The following TRPA1 variants were observed in gnomAD, a reference collection of about 807,000 sequenced individuals.
TRPA1 encodes the protein ankyrin-like with transmembrane domains 1.
In TRPA1, 129 loss-of-function variants were observed where a neutral mutation model predicts 131.3. That is an observed-to-expected ratio of 0.98 (90% CI 0.85 to 1.14). The LOEUF (loss-of-function observed/expected upper bound fraction) is 1.14. TRPA1 is among the 50% of genes most tolerant of loss of function. TRPA1 has a pLI of 0.00. For synonymous variants in TRPA1, 441 were observed against 451.7 expected, an observed-to-expected ratio of 0.98 and a Z score of 0.30; for missense variants, 1,304 against 1,354.2, an observed-to-expected ratio of 0.96 and a Z score of 0.58.
chr8:72,045,576 C>T (rs1208688324), intron 17 of TRPA1, among the ~76,000 whole-genome samples: 1 of 148,242 alleles, frequency 6.7e-6, no homozygotes, highest in Admixed American at 6.8e-5. Flanking sequence ...CTAGATAGCC[C>T]AAATCTAGAC....
At chr8:72,079,681 T>A (rs765720742), upstream of TRPA1, among the ~76,000 whole-genome samples, 1 of 151,980 alleles carries the variant, frequency 6.6e-6, no homozygotes, top group Non-Finnish European at 1.5e-5. Flanking sequence ...GATGGAAGGA[T>A]GCCTTGATGG....
At chr8:72,082,050 CTG>C in the TRPA1 span, among the ~76,000 whole-genome samples, 1,002 of 151,960 alleles carry the variant, frequency 6.6e-3, 4 homozygotes, top group Middle Eastern at 0.01. Context: ...TTCTTTCACT[CTG>C]TTTTTTCTCT....
chr8:72,057,093 C>CA (rs373621073), intron 9 of TRPA1, 76 bp from the exon 10 acceptor site: 861 of 1,185,810 alleles, frequency 7.3e-4, no homozygotes, highest in African/African-American at 1.8e-3. Context: ...TTCAACTTAG[C>CA]AAAAAAAAAT....
chr8:72,075,388 T>A lies in TRPA1; in HGVS notation c.22A>T (p.Met8Leu), dbSNP rs1806153736. The change falls in exon 1 of 27, where the codon ATG (methionine) becomes TTG (leucine). Residue 8 changes from methionine (M) to leucine (L), a missense_variant. Coordinates refer to ENST00000262209, the MANE Select transcript of TRPA1 (RefSeq NM_007332.3). MKRSLRK[M>L]WRPGEKKEPQ... ...TCCTTCTTTTCTCCAGGGCGCCACATCTTCCTCAGGCTGCGCTTCATTGAC... is the reference window on the plus strand; with the variant it reads ...TCCTTCTTTTCTCCAGGGCGCCACAACTTCCTCAGGCTGCGCTTCATTGAC... 6.2e-7 allele frequency: 1 copy of A among 1,609,994 alleles called. No homozygotes were observed. Among genetic ancestry groups the A allele is most frequent in the African/African-American group, 1.3e-5 (1 of 74,864 alleles).
intron 17 of TRPA1, among the ~76,000 whole-genome samples, chr8:72,043,030 A>G (rs573731644): frequency 7.9e-5 from 12 of 152,038 alleles, no homozygotes; most frequent in African/African-American, 1.7e-4. Context: ...TGCATTTAAA[A>G]AGAGTTAAGA....
At chr8:72,067,904 T>C (rs1421168227) in intron 3 of TRPA1, among the ~76,000 whole-genome samples, 1 of 152,220 alleles carries the variant, frequency 6.6e-6, no homozygotes, top group African/African-American at 2.4e-5. Flanking sequence ...TACTCATTCA[T>C]TCATTCATTC....
At chr8:72,071,284 G>A (rs1585892361) in intron 2 of TRPA1, among the ~76,000 whole-genome samples, 1 of 152,138 alleles carries the variant, frequency 6.6e-6, no homozygotes, top group Admixed American at 6.5e-5. Context: ...ATTGTCTGCA[G>A]TTGAATTTCC....
At chr8:72,084,784 T>C in the TRPA1 span, among the ~76,000 whole-genome samples, 1 of 151,434 alleles carries the variant, frequency 6.6e-6, no homozygotes, top group Admixed American at 6.6e-5. Flanking sequence ...TCTGAGTAAC[T>C]GGGATTACAG....
intron 23 of TRPA1, among the ~76,000 whole-genome samples, chr8:72,032,373 A>G (rs1811858973): frequency 6.6e-6 from 1 of 152,228 alleles, no homozygotes; most frequent in African/African-American, 2.4e-5. Flanking sequence ...ATGGCAGTCC[A>G]AGCCAACCGG....
rs1255886695 is a variant in TRPA1 at position 72,059,442 on chromosome 8, A to G, written c.945-4T>C. On this transcript the variant is annotated splice_polypyrimidine_tract_variant and splice_region_variant and intron_variant, in intron 7 of 26. Coordinates refer to ENST00000262209, the MANE Select transcript of TRPA1 (RefSeq NM_007332.3). ...ATGGTGATCAAACAATGAAGCTCTG[A>G]AAAAACAGAATTATAAACATTATAA... The G allele has an allele frequency of 1.9e-6, 3 of 1,560,148 alleles. No homozygotes were observed. The highest frequency in any genetic ancestry group is 2.6e-6 in the Non-Finnish European group (3 of 1,138,084).
upstream of TRPA1, among the ~76,000 whole-genome samples, chr8:72,075,806 T>A (rs1295900380): frequency 6.6e-6 from 1 of 151,926 alleles, no homozygotes; most frequent in East Asian, 1.9e-4. Flanking sequence ...TTGCAGAGAA[T>A]TTGTTATAAT....
In TRPA1 at chr8:72,052,590, A is replaced by T; in HGVS notation, c.1811+9T>A. 6.2e-7 allele frequency: 1 copy of T among 1,613,440 alleles called. No individual in the cohort carries two copies. Among genetic ancestry groups the T allele is most frequent in the Non-Finnish European group, 8.5e-7 (1 of 1,179,570 alleles). On this transcript the variant is annotated intron_variant, in intron 14 of 26. Transcript: ENST00000262209. The stretch of plus-strand genomic sequence containing the variant: ...ACACTAAATGACAGTGGACAGGAAG[A>T]CAGTGTACCTTTTGCTCCTGATGAT...
At position 72,036,404 on chromosome 8, in the gene TRPA1, C is replaced by T. The variant is rs746336542; in HGVS notation, c.2439G>A (p.Thr813=). The change falls in exon 21 of 27, where the codon ACG becomes ACA. Residue 813 remains threonine, a synonymous_variant. Coordinates refer to ENST00000262209, the MANE Select transcript of TRPA1 (RefSeq NM_007332.3). The part of the protein sequence containing the change: ...ISNVLEWIIY[T]TGIIFVLPLF... ...AGGGCAGCACAAAAATGATGCCCGTCGTGTAGATAATCCATTCAAGAACAT... is the reference window on the plus strand; with the variant it reads ...AGGGCAGCACAAAAATGATGCCCGTTGTGTAGATAATCCATTCAAGAACAT... The T allele has an allele frequency of 5.6e-6, 9 of 1,613,940 alleles. No homozygotes were observed. Among genetic ancestry groups the T allele is most frequent in the Admixed American group, 3.3e-5 (2 of 59,984 alleles).
chr8:72,076,711 G>A (rs912086217), upstream of TRPA1: 1 of 152,264 alleles, frequency 6.6e-6, no homozygotes, highest in Non-Finnish European at 1.5e-5. Context: ...GAGGAACCAT[G>A]AAAGGTCCCC....
Position 72,025,840 on chromosome 8 carries a change from C to T in TRPA1, c.3051+120G>A, listed in dbSNP as rs1164563415. On this transcript the variant is annotated intron_variant, in intron 25 of 26. Transcript: ENST00000262209. ...ATATCCTTTTTTTAAAAGCACAACT[C>T]CTCTGCCCACAGGCAGAGAAGACTC... is the stretch of plus-strand genomic sequence containing the variant. 1.3e-5 allele frequency: 11 copies of T among 833,512 alleles called. No homozygotes were observed. In the African/African-American group the frequency reaches 1.5e-4, roughly 11 times the overall value. The allele number at this position is 833,512 out of a possible 1,614,324, so 51.6% of individuals were successfully genotyped here. A position where few individuals can be genotyped will look rare whatever the true frequency, so the allele number is the denominator to read the frequency against.
chr8:72,062,408 T>G (rs930553860), intron 6 of TRPA1: 7 of 209,046 alleles, frequency 3.3e-5, no homozygotes, highest in Admixed American at 1.6e-4. Flanking sequence ...TACATATTCT[T>G]AGAAATTAGT....
chr8:72,028,128 C>A (rs1811671957), intron 24 of TRPA1, among the ~76,000 whole-genome samples: 1 of 152,136 alleles, frequency 6.6e-6, no homozygotes, highest in African/African-American at 2.4e-5. Context: ...ACAGTAATAA[C>A]CTGCCATTAG....
At chr8:72,057,428 A>G (rs1805696926) in intron 9 of TRPA1, among the ~76,000 whole-genome samples, 2 of 152,218 alleles carry the variant, frequency 1.3e-5, no homozygotes, top group South Asian at 4.1e-4. Flanking sequence ...GATACATTGA[A>G]AGACAGTTAA....
At position 72,031,963 on chromosome 8, in the gene TRPA1, G is replaced by T. The variant is rs113551794; in HGVS notation, c.2868+1681C>A. ...GGTGGTTAAGGAAGTCTGACCTGAA[G>T]AAATGATACTTCAGCTGAGTTTTGA... On this transcript the variant is annotated intron_variant, in intron 23 of 26. Transcript: ENST00000262209. Among the ~76,000 whole-genome samples, 291 of 152,296 alleles carry T rather than the reference G, an allele frequency of 1.9e-3. 1 individual carries two copies. The highest frequency in any genetic ancestry group is 6.9e-3 in the African/African-American group (285 of 41,572).
Sources: allele counts gnomAD v4.1 joint callset (sites outside exome capture counted in the v4.1 genomes callset), GRCh38; gene constraint gnomAD v4.1.1; transcripts MANE v1.5; gene names NCBI Gene and HGNC (gene_info 2026-07-23, HGNC 2026-07-21).